Variants in NEXMIF observed in about 807,000 individuals in gnomAD.
NEXMIF encodes the protein XLMR protein related to neurite extension.
In NEXMIF, 8 loss-of-function variants were observed where a neutral mutation model predicts 62.1. That is an observed-to-expected ratio of 0.13 (90% CI 0.08 to 0.23). NEXMIF has a LOEUF of 0.23. Among genes scored for constraint, NEXMIF ranks in the 10% least tolerant of loss-of-function variants. The probability of loss-of-function intolerance (pLI) is 1.00; values close to 1 mark genes in which losing one functional copy is unlikely to be tolerated. For missense variants in NEXMIF, 976 were observed against 1,113.3 expected (o/e 0.88, Z 1.75); for synonymous variants, 404 against 416.6 (o/e 0.97, Z 0.37).
intron 1 of NEXMIF, among the ~76,000 whole-genome samples, chrX:74,913,455 T>C (rs1241932055): frequency 9.0e-6 from 1 of 110,818 alleles, no homozygotes; most frequent in East Asian, 2.8e-4. Flanking sequence ...GAAGAAACCA[T>C]GAAGAATAGA....
chrX:74,770,106 G>A (rs764133869), intron 1 of NEXMIF, among the ~76,000 whole-genome samples: 14 of 112,043 alleles, frequency 1.2e-4, no homozygotes, highest in African/African-American at 4.2e-4. Flanking sequence ...CTTGAAATTT[G>A]TTTGTATGTT....
intron 1 of NEXMIF, among the ~76,000 whole-genome samples, chrX:74,882,668 C>A (rs2080670648): frequency 8.9e-6 from 1 of 112,094 alleles, no homozygotes; most frequent in Non-Finnish European, 1.9e-5. Context: ...CTGGGTGGAG[C>A]CCATCACAGC....
At chrX:74,843,611 T>A (rs1252268365) in intron 1 of NEXMIF, among the ~76,000 whole-genome samples, 1 of 111,151 alleles carries the variant, frequency 9.0e-6, no homozygotes, top group African/African-American at 3.3e-5. Context: ...AGACAGGGTT[T>A]CACCATGTTA....
At position 74,742,862 on chromosome X, in the gene NEXMIF, C is replaced by G. The variant is rs1303017755; in HGVS notation, c.1695G>C (p.Glu565Asp). Residue 565 changes from glutamate (E) to aspartate (D), a missense_variant, in exon 3 of 4, where the codon GAG (glutamate) becomes GAC (aspartate). Transcript: ENST00000055682. ...GATTCTCACTCAAATTCACTGTTGTCTCACTGGCATCCACCTTACCCAACT... is the reference window on the plus strand; with the variant it reads ...GATTCTCACTCAAATTCACTGTTGTGTCACTGGCATCCACCTTACCCAACT... ...LVKLGKVDASETTVNLSENQL... is the reference protein window; with the variant it reads ...LVKLGKVDASDTTVNLSENQL... The G allele has an allele frequency of 4.1e-6, 5 of 1,209,355 alleles. No homozygotes were observed. The African/African-American group carries it at 8.8e-5, about 21-fold the overall frequency.
At chrX:74,802,206 C>T (rs1005084208) in intron 1 of NEXMIF, among the ~76,000 whole-genome samples, 2 of 111,227 alleles carry the variant, frequency 1.8e-5, no homozygotes, top group Admixed American at 9.6e-5. Flanking sequence ...CCCAGGTACT[C>T]TGAACATAGG....
chrX:74,902,657 A>T (rs1451547940), intron 1 of NEXMIF, among the ~76,000 whole-genome samples: 1 of 111,542 alleles, frequency 9.0e-6, no homozygotes, highest in African/African-American at 3.3e-5. Context: ...GAAACAAATG[A>T]ATAATGGACT....
chrX:74,856,070 T>A (rs977031865), intron 1 of NEXMIF, among the ~76,000 whole-genome samples: 1 of 111,600 alleles, frequency 9.0e-6, no homozygotes, highest in Non-Finnish European at 1.9e-5. Flanking sequence ...AAAAAAGCAA[T>A]CAATAGAAAC....
At chrX:74,917,383 T>C (rs889984939) in intron 1 of NEXMIF, among the ~76,000 whole-genome samples, 1 of 112,129 alleles carries the variant, frequency 8.9e-6, no homozygotes, top group Non-Finnish European at 1.9e-5. Flanking sequence ...TGTGGGACCA[T>C]GAGCCAATTA....
intron 1 of NEXMIF, among the ~76,000 whole-genome samples, chrX:74,788,427 G>T (rs928395660): frequency 9.0e-6 from 1 of 111,038 alleles, no homozygotes; most frequent in East Asian, 2.8e-4. Flanking sequence ...TGTATCTTAG[G>T]TTGATCTCTG....
intron 1 of NEXMIF, among the ~76,000 whole-genome samples, chrX:74,835,374 G>A (rs933297002): frequency 5.4e-5 from 6 of 111,193 alleles, no homozygotes; most frequent in East Asian, 2.8e-4. Flanking sequence ...GATGTTCACC[G>A]GTGTCTGAAC....
intron 1 of NEXMIF, among the ~76,000 whole-genome samples, chrX:74,864,190 A>G (rs1206967247): frequency 8.9e-6 from 1 of 112,281 alleles, no homozygotes; most frequent in Admixed American, 9.4e-5. Flanking sequence ...GTCCTCTCTC[A>G]TCACTCCTAC....
At chrX:74,824,226 C>T (rs953555786) in intron 1 of NEXMIF, among the ~76,000 whole-genome samples, 1 of 111,537 alleles carries the variant, frequency 9.0e-6, no homozygotes, top group African/African-American at 3.3e-5. Context: ...CTCAAAAAAA[C>T]CTGTATTTCT....
intron 1 of NEXMIF, among the ~76,000 whole-genome samples, chrX:74,858,728 CAG>C (rs2080544530): frequency 2.7e-5 from 3 of 110,810 alleles, no homozygotes; most frequent in South Asian, 3.9e-4. Flanking sequence ...AACATTCAGA[CAG>C]AGAGTTCAAA....
intron 1 of NEXMIF, among the ~76,000 whole-genome samples, chrX:74,799,167 T>G (rs1602232483): frequency 9.0e-6 from 1 of 110,980 alleles, no homozygotes; most frequent in East Asian, 2.9e-4. Flanking sequence ...ACCTGGCCAC[T>G]AATGCTTTTT....
Position 74,741,757 on chromosome X carries a change from T to A in NEXMIF, c.2800A>T (p.Asn934Tyr). 8.3e-7 allele frequency: 1 copy of A among 1,211,459 alleles called. No homozygotes were observed. Among genetic ancestry groups the A allele is most frequent in the Non-Finnish European group, 1.1e-6 (1 of 895,231 alleles). Residue 934 changes from asparagine (N) to tyrosine (Y), a missense_variant, in exon 3 of 4, where the codon AAT (asparagine) becomes TAT (tyrosine). This residue lies in a region of NEXMIF where 639 missense variants were observed against 694.5 expected (regional missense o/e 0.92). Coordinates refer to ENST00000055682, the MANE Select transcript of NEXMIF (RefSeq NM_001008537.3). ...CCACCACTATTGAGACAGATTGGAT[T>A]GTATGTTGTAGGTGTGAGGTTATTT... ...MENNLTPTTY[N>Y]PICLNSGGSN...
At chrX:74,750,092 G>A (rs912450814) in intron 1 of NEXMIF, among the ~76,000 whole-genome samples, 23 of 111,271 alleles carry the variant, frequency 2.1e-4, no homozygotes, top group Non-Finnish European at 3.4e-4. Context: ...GAGAGACAGA[G>A]GGGGGGAAGA....
intron 1 of NEXMIF, among the ~76,000 whole-genome samples, chrX:74,807,844 G>A (rs992126228): frequency 3.6e-5 from 4 of 111,564 alleles, no homozygotes; most frequent in East Asian, 2.8e-4. Context: ...GCCTTGTCTC[G>A]TTCTCAGTCT....
intron 1 of NEXMIF, among the ~76,000 whole-genome samples, chrX:74,865,019 T>A (rs1477034009): frequency 3.6e-5 from 4 of 112,248 alleles, no homozygotes; most frequent in African/African-American, 1.3e-4. Flanking sequence ...ATCAGGTATT[T>A]CTTCATAGCA....
At chrX:74,764,429 C>CT (rs1390472423) in intron 1 of NEXMIF, among the ~76,000 whole-genome samples, 3 of 111,424 alleles carry the variant, frequency 2.7e-5, no homozygotes, top group Non-Finnish European at 3.8e-5. Flanking sequence ...CTAAAATACT[C>CT]TTTTTTTGTT....
Sources: allele counts gnomAD v4.1 joint callset (sites outside exome capture counted in the v4.1 genomes callset), GRCh38; gene constraint gnomAD v4.1.1; regional missense constraint gnomAD v4.1.1; transcripts MANE v1.5; gene names NCBI Gene and HGNC (gene_info 2026-07-23, HGNC 2026-07-21).